The following SPATS2L variants were observed in gnomAD, a reference collection of about 807,000 sequenced individuals.
SPATS2L encodes spermatogenesis associated serine rich 2 like.
SPATS2L carries 30 observed loss-of-function variants against 59.6 expected under a neutral mutation model. The observed-to-expected ratio is 0.50, with a 90% confidence interval of 0.38 to 0.68. The LOEUF (loss-of-function observed/expected upper bound fraction) is 0.68. Among genes scored for constraint, SPATS2L ranks in the 30% least tolerant of loss-of-function variants. The pLI is 0.00. For missense variants in SPATS2L, 615 were observed against 700.0 expected, an observed-to-expected ratio of 0.88 and a Z score of 1.37; for synonymous variants, 252 against 263.5, an observed-to-expected ratio of 0.96 and a Z score of 0.42.
chr2:200,448,521 C>T (rs1354250980), intron 8 of SPATS2L, among the ~76,000 whole-genome samples: 1 of 152,118 alleles, frequency 6.6e-6, no homozygotes, highest in Non-Finnish European at 1.5e-5. Flanking sequence ...TTAATAAAAT[C>T]AAGTGTTTGA....
At chr2:200,330,850 C>T (rs1574414052) in intron 2 of SPATS2L, among the ~76,000 whole-genome samples, 1 of 152,196 alleles carries the variant, frequency 6.6e-6, no homozygotes, top group African/African-American at 2.4e-5. Flanking sequence ...TTTTACCCTG[C>T]AAAAGATTAC....
At chr2:200,324,002 C>A (rs527820780) in intron 1 of SPATS2L, among the ~76,000 whole-genome samples, 1 of 152,258 alleles carries the variant, frequency 6.6e-6, no homozygotes, top group East Asian at 1.9e-4. Context: ...TTCTTCCCCC[C>A]AGTTCTGGTG....
intron 8 of SPATS2L, among the ~76,000 whole-genome samples, chr2:200,449,477 CAAG>C (rs2085295723): frequency 6.6e-6 from 1 of 152,192 alleles, no homozygotes; most frequent in Admixed American, 6.5e-5. Flanking sequence ...AGCTGGAAGA[CAAG>C]AAATTGGTTC....
At chr2:200,389,538 T>G in intron 3 of SPATS2L, 2 of 372,000 alleles carry the variant, frequency 5.4e-6, no homozygotes, top group South Asian at 5.5e-5. Flanking sequence ...GTTATTTCCA[T>G]TTTACAGAGG....
At chr2:200,351,395 G>A (rs1451381697) in intron 2 of SPATS2L, 9 of 435,224 alleles carry the variant, frequency 2.1e-5, no homozygotes, top group Non-Finnish European at 3.9e-5. Context: ...AAAAACATTT[G>A]AAGTTGAGAT....
chr2:200,443,856 A>G (rs954835957), intron 8 of SPATS2L, among the ~76,000 whole-genome samples: 1 of 152,202 alleles, frequency 6.6e-6, no homozygotes, highest in East Asian at 1.9e-4. Flanking sequence ...GAACGAAATG[A>G]TCTCTCTTCC....
Position 200,479,289 on chromosome 2 carries a change from T to C in SPATS2L, c.*1258T>C, listed in dbSNP as rs1405908510. The C allele has an allele frequency of 5.9e-6, 2 of 340,464 alleles. No individual in the cohort carries two copies. The highest frequency in any genetic ancestry group is 1.1e-5 in the Non-Finnish European group (2 of 189,588). The allele number at this position is 340,464 out of a possible 1,614,324, so 21.1% of individuals were successfully genotyped here. On this transcript the variant is annotated 3_prime_UTR_variant, in exon 13 of 13. Transcript: ENST00000409140. ...ATTGTGGCAAAGGGCCACCATGCTCTTAAGACTCAAGTCTATTTTCCACAC... is the reference window on the plus strand; with the variant it reads ...ATTGTGGCAAAGGGCCACCATGCTCCTAAGACTCAAGTCTATTTTCCACAC...
intron 1 of SPATS2L, among the ~76,000 whole-genome samples, chr2:200,326,901 ATT>A (rs755351538): frequency 0.1 from 10,317 of 98,820 alleles, 468 homozygotes; most frequent in Non-Finnish European, 0.14. Flanking sequence ...TGCCCGGCTA[ATT>A]TTTTTTTTTT....
intron 11 of SPATS2L, among the ~76,000 whole-genome samples, chr2:200,472,192 G>A (rs988891952): frequency 6.6e-6 from 1 of 152,200 alleles, no homozygotes; most frequent in Non-Finnish European, 1.5e-5. Flanking sequence ...TGCAGAAAAC[G>A]GGGCTGATTA....
rs1184426803 is a variant in SPATS2L at position 200,438,400 on chromosome 2, TCAGGCCACTAA to T, written c.446-719_446-709del. ...ATGTTAAGAGTGATACATTTCCGTT[TCAGGCCACTAA>T]CATGCTATTTAATTCATTCCAGCAA... On this transcript the variant is annotated intron_variant, in intron 6 of 12. Coordinates refer to ENST00000409140, the MANE Select transcript of SPATS2L (RefSeq NM_001100423.2). Among the ~76,000 whole-genome samples the T allele has an allele frequency of 8.5e-5, 13 of 152,322 alleles. No individual in the cohort carries two copies. The South Asian group carries it at 2.7e-3, about 32-fold the overall frequency.
At chr2:200,428,998 G>T (rs73986894) in intron 6 of SPATS2L, among the ~76,000 whole-genome samples, 13 of 152,164 alleles carry the variant, frequency 8.5e-5, no homozygotes, top group Non-Finnish European at 2.9e-5. Context: ...TCTCTATCCT[G>T]TAATCTTTTC....
chr2:200,355,017 T>C (rs994783690), intron 2 of SPATS2L, among the ~76,000 whole-genome samples: 3 of 152,146 alleles, frequency 2.0e-5, no homozygotes, highest in African/African-American at 7.2e-5. Flanking sequence ...TGGTTGGATA[T>C]ACGTACAATC....
chr2:200,436,402 C>T (rs985447714), intron 6 of SPATS2L, among the ~76,000 whole-genome samples: 2 of 152,180 alleles, frequency 1.3e-5, no homozygotes, highest in African/African-American at 2.4e-5. Context: ...GCATGTCAGA[C>T]ATACATGCAT....
intron 1 of SPATS2L, among the ~76,000 whole-genome samples, chr2:200,314,758 G>T (rs115525917): frequency 2.6e-5 from 4 of 152,290 alleles, no homozygotes; most frequent in Non-Finnish European, 5.9e-5. Flanking sequence ...AGCTACATGT[G>T]GCTGTTGGGC....
At chr2:200,325,644 G>T (rs143459273) in intron 1 of SPATS2L, among the ~76,000 whole-genome samples, 4,432 of 152,234 alleles carry the variant, frequency 0.029, 75 homozygotes, top group Middle Eastern at 0.078. Flanking sequence ...CTCCCAAAGT[G>T]CTGGGATTTC....
intron 10 of SPATS2L, 55 bp from the exon 11 acceptor site, chr2:200,469,859 T>G (rs2086894171): frequency 2.2e-6 from 3 of 1,380,392 alleles, no homozygotes; most frequent in Non-Finnish European, 3.0e-6. Context: ...TCCACGGGGG[T>G]GCCTTGGTCA....
chr2:200,309,812 A>G (rs976982813), intron 1 of SPATS2L, among the ~76,000 whole-genome samples: 9 of 152,270 alleles, frequency 5.9e-5, no homozygotes, highest in African/African-American at 2.2e-4. Flanking sequence ...TGAAGGTGTT[A>G]TGTCTTTGAC....
At chr2:200,449,281 T>G (rs1349041257) in intron 8 of SPATS2L, among the ~76,000 whole-genome samples, 1 of 152,236 alleles carries the variant, frequency 6.6e-6, no homozygotes, top group Non-Finnish European at 1.5e-5. Flanking sequence ...CAAAAAGTAC[T>G]GAACTGGCCT....
At chr2:200,395,674 T>A (rs2082307320) in intron 3 of SPATS2L, among the ~76,000 whole-genome samples, 1 of 152,096 alleles carries the variant, frequency 6.6e-6, no homozygotes, top group African/African-American at 2.4e-5. Context: ...TGGGGGAGCT[T>A]ATCTGTTTAT....
Sources: allele counts gnomAD v4.1 joint callset (sites outside exome capture counted in the v4.1 genomes callset), GRCh38; gene constraint gnomAD v4.1.1; transcripts MANE v1.5; gene names NCBI Gene and HGNC (gene_info 2026-07-23, HGNC 2026-07-21).